Variants in ARHGAP26 observed in about 807,000 individuals in gnomAD.
ARHGAP26 encodes rho GTPase-activating protein 26.
Under a neutral mutation model 104.8 loss-of-function variants are expected in ARHGAP26, and 38 were observed. The ratio of observed to expected loss-of-function variants is 0.36; its 90% CI spans 0.28 to 0.48. ARHGAP26 has a LOEUF of 0.48. Ranked by LOEUF, ARHGAP26 falls within the 20% of genes least tolerant of loss-of-function variation. ARHGAP26 has a pLI of 0.99. For synonymous variants in ARHGAP26, 341 were observed against 340.0 expected, an observed-to-expected ratio of 1.00 and a Z score of -0.03; for missense variants, 704 against 947.9, an observed-to-expected ratio of 0.74 and a Z score of 3.38.
At chr5:142,926,472 C>T (rs971555457) in intron 10 of ARHGAP26, among the ~76,000 whole-genome samples, 1 of 152,188 alleles carries the variant, frequency 6.6e-6, no homozygotes, top group Non-Finnish European at 1.5e-5. Context: ...AAGTCATTTG[C>T]TCCTTCTCTC....
At chr5:142,864,728 C>T (rs1753958598) in intron 1 of ARHGAP26, among the ~76,000 whole-genome samples, 1 of 152,246 alleles carries the variant, frequency 6.6e-6, no homozygotes, top group Non-Finnish European at 1.5e-5. Flanking sequence ...TCCCTGTCCT[C>T]TCTCTTCCAG....
intron 17 of ARHGAP26, among the ~76,000 whole-genome samples, chr5:143,118,943 TAAAAA>T (rs11408187): frequency 2.7e-3 from 340 of 123,830 alleles, no homozygotes; most frequent in African/African-American, 9.2e-3. Context: ...AGTATAATAA[TAAAAA>T]AAAAAAAAGA....
chr5:143,041,211 T>C (rs976697012), intron 13 of ARHGAP26, among the ~76,000 whole-genome samples: 2 of 152,256 alleles, frequency 1.3e-5, no homozygotes, highest in African/African-American at 4.8e-5. Context: ...TTTGATTTTT[T>C]GTTTAGATGT....
intron 19 of ARHGAP26, among the ~76,000 whole-genome samples, chr5:143,137,462 C>T (rs546977563): frequency 1.4e-4 from 22 of 152,202 alleles, no homozygotes; most frequent in Non-Finnish European, 3.1e-4. Context: ...CCTTACCTTT[C>T]TTCAGGTTCT....
At chr5:142,924,858 G>C (rs1344513082) in intron 10 of ARHGAP26, among the ~76,000 whole-genome samples, 1 of 152,210 alleles carries the variant, frequency 6.6e-6, no homozygotes, top group Non-Finnish European at 1.5e-5. Flanking sequence ...CTTTGTGGAT[G>C]ACCTGGAGAT....
intron 1 of ARHGAP26, among the ~76,000 whole-genome samples, chr5:142,774,031 A>T (rs1034097948): frequency 6.6e-6 from 1 of 152,240 alleles, no homozygotes; most frequent in Non-Finnish European, 1.5e-5. Context: ...TTCGATGCCA[A>T]CCTGCTTTGT....
chr5:142,900,505 C>T (rs577378172), intron 6 of ARHGAP26, among the ~76,000 whole-genome samples: 8 of 148,860 alleles, frequency 5.4e-5, no homozygotes, highest in Non-Finnish European at 1.2e-4. Context: ...TCACAGGGCC[C>T]AGATCTTTGA....
At chr5:143,056,152 G>A (rs370198200) in intron 16 of ARHGAP26, 66 bp downstream of exon 16, 343 of 1,375,400 alleles carry the variant, frequency 2.5e-4, no homozygotes, top group Non-Finnish European at 3.4e-4. Flanking sequence ...AGAAGAGTCA[G>A]TATCCCAAAA....
intron 17 of ARHGAP26, among the ~76,000 whole-genome samples, chr5:143,090,277 C>T (rs1201274764): frequency 6.6e-6 from 1 of 152,224 alleles, no homozygotes; most frequent in Admixed American, 6.5e-5. Context: ...GAGGACCACC[C>T]TAGTGGAAAG....
intron 1 of ARHGAP26, among the ~76,000 whole-genome samples, chr5:142,784,836 T>C (rs1758222177): frequency 6.6e-6 from 1 of 152,098 alleles, no homozygotes; most frequent in African/African-American, 2.4e-5. Context: ...TTTTCATCAT[T>C]CCCCCAAAGC....
intron 1 of ARHGAP26, among the ~76,000 whole-genome samples, chr5:142,802,281 C>T (rs1378190441): frequency 6.6e-6 from 1 of 152,158 alleles, no homozygotes; most frequent in Non-Finnish European, 1.5e-5. Context: ...ACCCAGTTAG[C>T]AGGATTTACC....
In ARHGAP26 at chr5:142,957,135, TGAAAA is replaced by T. The variant is rs1258782405; in HGVS notation, c.1107+25013_1107+25017del. 5.9e-5 allele frequency among the ~76,000 whole-genome samples: 9 copies of T among 152,272 alleles called. No homozygotes were observed. In the East Asian group the frequency reaches 1.7e-3, roughly 29 times the overall value. Reference sequence around the variant, plus strand: ...AGGAGTTGATGACTTGATGGGCACTTGAAAAGAGTGATTTGAATCAAAAGAATGAG... The same window carrying T: ...AGGAGTTGATGACTTGATGGGCACTTGAGTGATTTGAATCAAAAGAATGAG... On this transcript the variant is annotated intron_variant, in intron 11 of 22. Coordinates refer to ENST00000645722, the MANE Select transcript of ARHGAP26 (RefSeq NM_001135608.3).
At chr5:142,933,960 C>A (rs1322703051) in intron 11 of ARHGAP26, among the ~76,000 whole-genome samples, 1 of 152,170 alleles carries the variant, frequency 6.6e-6, no homozygotes, top group Non-Finnish European at 1.5e-5. Flanking sequence ...ACAGTACTTT[C>A]ACTCACTCCC....
chr5:143,210,226 G>T (rs748746134), intron 21 of ARHGAP26, among the ~76,000 whole-genome samples: 18 of 152,300 alleles, frequency 1.2e-4, no homozygotes, highest in South Asian at 4.2e-4. Flanking sequence ...GCAAGGAGGA[G>T]GAAGTCACGT....
intron 11 of ARHGAP26, among the ~76,000 whole-genome samples, chr5:142,977,642 T>C (rs1773316885): frequency 6.6e-6 from 1 of 152,210 alleles, no homozygotes; most frequent in African/African-American, 2.4e-5. Flanking sequence ...GCTCAGCTTC[T>C]TCCAAAGCAG....
intron 19 of ARHGAP26, among the ~76,000 whole-genome samples, chr5:143,136,727 G>A (rs1402099249): frequency 6.6e-6 from 1 of 152,120 alleles, no homozygotes; most frequent in Non-Finnish European, 1.5e-5. Context: ...CGTCACTGTC[G>A]GGTGAGCAGA....
chr5:143,139,674 C>T (rs201675780), intron 19 of ARHGAP26, among the ~76,000 whole-genome samples: 1 of 152,172 alleles, frequency 6.6e-6, no homozygotes, highest in East Asian at 1.9e-4. Context: ...TTAATATGCT[C>T]GGCCAAGCCA....
At chr5:142,851,821 C>G (rs1363153019) in intron 1 of ARHGAP26, among the ~76,000 whole-genome samples, 1 of 152,200 alleles carries the variant, frequency 6.6e-6, no homozygotes, top group East Asian at 1.9e-4. Flanking sequence ...TCTCCCTCAT[C>G]TTTGTCAGGT....
chr5:142,843,412 T>C (rs1017556420), intron 1 of ARHGAP26, among the ~76,000 whole-genome samples: 3 of 152,246 alleles, frequency 2.0e-5, no homozygotes, highest in African/African-American at 7.2e-5. Context: ...ATGATACCTT[T>C]GATTGCTAAG....
Sources: allele counts gnomAD v4.1 joint callset (sites outside exome capture counted in the v4.1 genomes callset), GRCh38; gene constraint gnomAD v4.1.1; transcripts MANE v1.5; gene names NCBI Gene and HGNC (gene_info 2026-07-23, HGNC 2026-07-21).